SPIDR: variants seen among roughly 807,000 people sequenced by gnomAD.
SPIDR encodes DNA repair-scaffolding protein.
SPIDR carries 93 observed loss-of-function variants against 104.6 expected under a neutral mutation model. That is an observed-to-expected ratio of 0.89 (90% CI 0.75 to 1.06). SPIDR has a LOEUF of 1.06. SPIDR is among the 50% of genes least tolerant of loss of function. The pLI is 0.00. For synonymous variants in SPIDR, 431 were observed against 416.9 expected (o/e 1.03, Z -0.41); for missense variants, 1,154 against 1,111.2 (o/e 1.04, Z -0.55).
At chr8:47,427,245 T>C (rs2066558480) in intron 7 of SPIDR, among the ~76,000 whole-genome samples, 1 of 149,606 alleles carries the variant, frequency 6.7e-6, no homozygotes, top group Admixed American at 6.7e-5. Context: ...ATATTATAAA[T>C]ATAAAATAAA....
At position 47,713,621 on chromosome 8, in the gene SPIDR, A is replaced by G. The variant is rs757037438; in HGVS notation, c.2321A>G (p.Asn774Ser). Residue 774 changes from asparagine to serine, a missense_variant, in exon 16 of 20, where the codon AAC becomes AGC. Asn to Ser is a conservative substitution (Grantham distance 46). Transcript: ENST00000297423. ...AGCCTGGACTCTGCAACACCTGTCAACTCCATCTGCAGTGTTCAAGGTAGG... is the reference window on the plus strand; with the variant it reads ...AGCCTGGACTCTGCAACACCTGTCAGCTCCATCTGCAGTGTTCAAGGTAGG... ...LDSLDSATPV[N>S]SICSVQGTVV... is the part of the protein sequence containing the mutation. 3.7e-6 allele frequency: 6 copies of G among 1,613,780 alleles called. No individual in the cohort carries two copies. The highest frequency in any genetic ancestry group is 2.2e-5 in the East Asian group (1 of 44,892).
intron 5 of SPIDR, among the ~76,000 whole-genome samples, chr8:47,348,432 T>A (rs887060049): frequency 1.2e-4 from 18 of 152,136 alleles, no homozygotes; most frequent in Non-Finnish European, 2.1e-4. Flanking sequence ...TGTCTTGGAG[T>A]TGCTCTTCTC....
intron 5 of SPIDR, among the ~76,000 whole-genome samples, chr8:47,303,421 GGCTTACGCTGGGTGCACT>G (rs1171122453): frequency 2.0e-5 from 3 of 152,136 alleles, no homozygotes; most frequent in Non-Finnish European, 2.9e-5. Context: ...GCCCTGCTTC[GGCTTACGCTGGGTGCACT>G]GCACCCAGTG....
At chr8:47,609,657 C>T (rs2063379012) in intron 10 of SPIDR, among the ~76,000 whole-genome samples, 1 of 152,080 alleles carries the variant, frequency 6.6e-6, no homozygotes, top group East Asian at 1.9e-4. Flanking sequence ...TGTTTGGTTA[C>T]AGCTATCTGA....
intron 7 of SPIDR, among the ~76,000 whole-genome samples, chr8:47,432,116 T>C (rs1189596029): frequency 2.0e-5 from 3 of 152,236 alleles, no homozygotes; most frequent in Non-Finnish European, 4.4e-5. Flanking sequence ...ATTTACTTAC[T>C]GAATACTTAT....
chr8:47,568,949 A>G (rs1007497249), intron 8 of SPIDR, among the ~76,000 whole-genome samples: 6 of 152,208 alleles, frequency 3.9e-5, no homozygotes, highest in Admixed American at 2.6e-4. Context: ...ATGTAAATGG[A>G]TGAAATTCAA....
intron 10 of SPIDR, among the ~76,000 whole-genome samples, chr8:47,669,572 A>G (rs555563769): frequency 1.3e-5 from 2 of 152,322 alleles, no homozygotes; most frequent in South Asian, 4.1e-4. Flanking sequence ...ACAAAGGAAA[A>G]CGTCAGGGCA....
chr8:47,280,435 C>T (rs949270983), intron 2 of SPIDR, among the ~76,000 whole-genome samples: 9 of 151,210 alleles, frequency 6.0e-5, no homozygotes, highest in Non-Finnish European at 1.3e-4. Flanking sequence ...CTTTGTCACC[C>T]AGGCTGGAGT....
intron 16 of SPIDR, among the ~76,000 whole-genome samples, chr8:47,717,433 A>T (rs1447699952): frequency 2.6e-5 from 4 of 152,084 alleles, no homozygotes; most frequent in African/African-American, 9.7e-5. Flanking sequence ...AATCGCCACC[A>T]CCCATAGCAG....
rs28382309 is a variant in SPIDR at position 47,313,468 on chromosome 8, G to A, written c.525+19438G>A. On this transcript the variant is annotated intron_variant, in intron 5 of 19. Transcript: ENST00000297423. ...CTCATGGGTAGAAAGAATCAATGTC[G>A]TGAAAATGGCCATACTGCCCAAGGT... 5.0e-3 allele frequency among the ~76,000 whole-genome samples: 768 copies of A among 152,218 alleles called. 7 individuals carry two copies. In the East Asian group the frequency reaches 0.06, roughly 12 times the overall value.
intron 8 of SPIDR, among the ~76,000 whole-genome samples, chr8:47,465,016 G>A (rs527808471): frequency 2.1e-3 from 317 of 152,102 alleles, no homozygotes; most frequent in Admixed American, 4.3e-3. Flanking sequence ...CACCTGCCTC[G>A]GCCTCCCAAA....
At chr8:47,573,496 G>A (rs573431678) in intron 8 of SPIDR, among the ~76,000 whole-genome samples, 1 of 152,266 alleles carries the variant, frequency 6.6e-6, no homozygotes, top group African/African-American at 2.4e-5. Context: ...CCCCCCTGCT[G>A]AGCCATCACA....
At chr8:47,678,306 A>C (rs1159479451) in intron 11 of SPIDR, among the ~76,000 whole-genome samples, 2 of 152,206 alleles carry the variant, frequency 1.3e-5, no homozygotes, top group African/African-American at 4.8e-5. Flanking sequence ...AAACACAAAA[A>C]TGGAGTAAGA....
At chr8:47,596,028 G>C (rs781130297) in intron 9 of SPIDR, 22 bp downstream of exon 9, 3 of 1,584,346 alleles carry the variant, frequency 1.9e-6, no homozygotes, top group East Asian at 2.2e-5. Flanking sequence ...TTGGCCTAAA[G>C]GTTTTATGCT....
At chr8:47,265,745 G>T (rs1420764305) in intron 1 of SPIDR, among the ~76,000 whole-genome samples, 1 of 152,128 alleles carries the variant, frequency 6.6e-6, no homozygotes, top group Non-Finnish European at 1.5e-5. Context: ...AGACAATTGT[G>T]AGTAATATAG....
intron 10 of SPIDR, among the ~76,000 whole-genome samples, chr8:47,606,697 G>C (rs2062997239): frequency 6.6e-6 from 1 of 152,158 alleles, no homozygotes; most frequent in Non-Finnish European, 1.5e-5. Flanking sequence ...CTTGGATAAA[G>C]CTTACTAGAC....
intron 8 of SPIDR, among the ~76,000 whole-genome samples, chr8:47,557,740 A>G (rs554589766): frequency 7.2e-5 from 11 of 152,200 alleles, no homozygotes; most frequent in Non-Finnish European, 2.9e-5. Flanking sequence ...TTCTAAGTTC[A>G]TGAACCTTTG....
chr8:47,728,823 C>T, intron 17 of SPIDR, 110 bp from the exon 18 acceptor site: 1 of 1,301,664 alleles, frequency 7.7e-7, no homozygotes, highest in East Asian at 2.4e-5. Context: ...AGAGTAAAGC[C>T]CCGTTTTCTA....
chr8:47,475,751 C>T (rs2076214624), intron 8 of SPIDR, among the ~76,000 whole-genome samples: 1 of 152,012 alleles, frequency 6.6e-6, no homozygotes, highest in Non-Finnish European at 1.5e-5. Flanking sequence ...ATAAAATGAT[C>T]CAAAAAGATA....
Sources: gnomAD v4.1 joint callset for allele counts (sites outside exome capture counted in the v4.1 genomes callset) on GRCh38, gnomAD v4.1.1 for gene constraint, MANE v1.5 for transcripts, NCBI Gene and HGNC (gene_info 2026-07-23, HGNC 2026-07-21) for gene names.